SHISAL1: variants seen among roughly 807,000 people sequenced by gnomAD.
SHISAL1 encodes the protein protein shisa-like-1.
Under a neutral mutation model 22.6 loss-of-function variants are expected in SHISAL1, and 9 were observed. The ratio of observed to expected loss-of-function variants is 0.40; its 90% CI spans 0.24 to 0.70. The LOEUF (loss-of-function observed/expected upper bound fraction) is 0.70. SHISAL1 is among the 30% of genes least tolerant of loss of function. SHISAL1 has a pLI of 0.39. For missense variants in SHISAL1, 246 were observed against 270.6 expected, an observed-to-expected ratio of 0.91 and a Z score of 0.64; for synonymous variants, 119 against 115.4, an observed-to-expected ratio of 1.03 and a Z score of -0.20.
chr22:44,289,867 G>A (rs1005632882), intron 3 of SHISAL1, among the ~76,000 whole-genome samples: 1 of 152,236 alleles, frequency 6.6e-6, no homozygotes, highest in African/African-American at 2.4e-5. Context: ...TTTTGTAAAT[G>A]GCAGAAGATA....
At chr22:44,307,450 T>G (rs1461307232) in intron 1 of SHISAL1, among the ~76,000 whole-genome samples, 1 of 152,202 alleles carries the variant, frequency 6.6e-6, no homozygotes, top group African/African-American at 2.4e-5. Flanking sequence ...AAAAAGCTTC[T>G]GAGGCCTCCT....
the SHISAL1 span, among the ~76,000 whole-genome samples, chr22:44,323,640 C>T: frequency 1.3e-5 from 2 of 148,264 alleles, no homozygotes; most frequent in African/African-American, 5.0e-5. Context: ...ATCCATCCAC[C>T]CACTCACCAT....
chr22:44,290,116 C>G (rs113771071), intron 3 of SHISAL1, among the ~76,000 whole-genome samples: 5 of 152,234 alleles, frequency 3.3e-5, no homozygotes, highest in African/African-American at 7.2e-5. Flanking sequence ...ATCACCACCC[C>G]ACCAGGCAGT....
rs781357436 is a variant in SHISAL1 at position 44,262,301 on chromosome 22, G to A, written c.*-12616C>T. Among the ~76,000 whole-genome samples the A allele has an allele frequency of 2.7e-4, 41 of 152,042 alleles. No homozygotes were observed. In the Middle Eastern group the frequency reaches 0.01, roughly 38 times the overall value. The stretch of plus-strand genomic sequence containing the variant: ...GCTGTCATGGCACAAGATGCTCCTG[G>A]CAGGGGTGAGTCTGCAGAGGCGGCA... On this transcript the variant is annotated intron_variant, in intron 4 of 4. Transcript: ENST00000381176.
intron 3 of SHISAL1, among the ~76,000 whole-genome samples, chr22:44,290,322 G>C (rs1227679097): frequency 3.3e-5 from 5 of 152,168 alleles, no homozygotes; most frequent in Non-Finnish European, 5.9e-5. Context: ...CTGAGGTCAG[G>C]AGTTTGAGAC....
At chr22:44,300,681 G>C (rs902643493) in intron 2 of SHISAL1, among the ~76,000 whole-genome samples, 198 bp downstream of exon 2, 1 of 151,988 alleles carries the variant, frequency 6.6e-6, no homozygotes, top group Non-Finnish European at 1.5e-5. Context: ...TAGAGATAGA[G>C]ACAGAGAGAC....
At chr22:44,285,387 A>T in intron 4 of SHISAL1, 41 bp downstream of exon 4, 3 of 1,594,868 alleles carry the variant, frequency 1.9e-6, no homozygotes, top group Middle Eastern at 3.3e-4. Flanking sequence ...CTCCAAAGAC[A>T]ATGACCCAAA....
intron 3 of SHISAL1, among the ~76,000 whole-genome samples, chr22:44,287,019 G>A (rs1291968373): frequency 6.6e-6 from 1 of 152,206 alleles, no homozygotes; most frequent in African/African-American, 2.4e-5. Context: ...CCTCGCTCTC[G>A]CCCAGACGGA....
At chr22:44,284,988 C>T (rs1184138303) in intron 4 of SHISAL1, among the ~76,000 whole-genome samples, 1 of 151,656 alleles carries the variant, frequency 6.6e-6, no homozygotes, top group Admixed American at 6.6e-5. Flanking sequence ...CCATACAAGG[C>T]ATGTACACAT....
At chr22:44,297,116 C>T (rs1401508728) in intron 2 of SHISAL1, among the ~76,000 whole-genome samples, 1 of 152,218 alleles carries the variant, frequency 6.6e-6, no homozygotes, top group Admixed American at 6.5e-5. Flanking sequence ...GCAGGGCTGG[C>T]TCTCCTGCTT....
rs367849559 is a variant in SHISAL1, at chr22:44,298,426, G to A, written c.68-1541C>T. Among the ~76,000 whole-genome samples the A allele has an allele frequency of 4.9e-4, 75 of 152,358 alleles. 1 individual carries two copies. Among genetic ancestry groups the A allele is most frequent in the African/African-American group, 1.7e-3 (69 of 41,586 alleles). ...CAGAAGCTCCGGGGTAGGCCCCGCC[G>A]TCTGTCCTGGCAAGCCCTCCAGGGG... On this transcript the variant is annotated intron_variant, in intron 2 of 4. Transcript: ENST00000381176.
At position 44,284,893 on chromosome 22, in the gene SHISAL1, T is replaced by TCCTGCCTGCCTG. The variant is rs376263550; in HGVS notation, c.599+534_599+535insCAGGCAGGCAGG. The stretch of plus-strand genomic sequence containing the variant: ...CCCTTGAGATGCCACCTCTCTGCCT[T>TCCTGCCTGCCTG]CCTGCCTTCCTTCCTTCCTTCCTTC... On this transcript the variant is annotated intron_variant, in intron 4 of 4. Coordinates refer to ENST00000381176, the MANE Select transcript of SHISAL1 (RefSeq NM_001099294.2). Among the ~76,000 whole-genome samples, 562 of 144,120 alleles carry TCCTGCCTGCCTG rather than the reference T, an allele frequency of 3.9e-3. 12 individuals carry two copies. The highest frequency in any genetic ancestry group is 0.011 in the South Asian group (47 of 4,334). The allele number at this position is 144,120 out of a possible 152,430, so 94.5% of individuals were successfully genotyped here. A position where few individuals can be genotyped will look rare whatever the true frequency, so the allele number is the denominator to read the frequency against.
chr22:44,292,922 GGT>G (rs2055362365), intron 3 of SHISAL1, among the ~76,000 whole-genome samples: 1 of 152,218 alleles, frequency 6.6e-6, no homozygotes, highest in East Asian at 1.9e-4. Context: ...GGTCCTCTGG[GGT>G]CTTATCCCAT....
At chr22:44,300,136 G>C (rs1049678798) in intron 2 of SHISAL1, among the ~76,000 whole-genome samples, 10 of 151,516 alleles carry the variant, frequency 6.6e-5, no homozygotes, top group African/African-American at 2.4e-4. Context: ...GAGAGACAGA[G>C]AGACAGAAAC....
chr22:44,287,882 T>G (rs1375860924), intron 3 of SHISAL1, among the ~76,000 whole-genome samples: 1 of 152,014 alleles, frequency 6.6e-6, no homozygotes, highest in African/African-American at 2.4e-5. Flanking sequence ...TTGCTCTAAG[T>G]GCCAGGTTTT....
In SHISAL1 at chr22:44,247,787, G is replaced by A. The variant is rs1017634369; in HGVS notation, c.*1898C>T. ...TGCTTTTCCAAAGGCAGGACATTGTGTTTGCACAGCTTGACTCACAGCAGA... is the reference window on the plus strand; with the variant it reads ...TGCTTTTCCAAAGGCAGGACATTGTATTTGCACAGCTTGACTCACAGCAGA... On this transcript the variant is annotated 3_prime_UTR_variant, in exon 5 of 5. Transcript: ENST00000381176. The A allele has an allele frequency of 6.6e-6, 1 of 152,266 alleles. No homozygotes were observed. Among genetic ancestry groups the A allele is most frequent in the African/African-American group, 2.4e-5 (1 of 41,440 alleles). The allele number at this position is 152,266 out of a possible 1,614,324, so 9.4% of individuals were successfully genotyped here. A position where few individuals can be genotyped will look rare whatever the true frequency, so the allele number is the denominator to read the frequency against.
At chr22:44,319,517 A>C in the SHISAL1 span, among the ~76,000 whole-genome samples, 2 of 152,240 alleles carry the variant, frequency 1.3e-5, no homozygotes, top group Admixed American at 1.3e-4. Flanking sequence ...GGTGAAAAAC[A>C]CAAGAGACCA....
chr22:44,290,176 G>A (rs557309173), intron 3 of SHISAL1, among the ~76,000 whole-genome samples: 3 of 152,324 alleles, frequency 2.0e-5, no homozygotes, highest in South Asian at 2.1e-4. Context: ...AGGCCAGAAC[G>A]AAACATCAGC....
chr22:44,311,805 A>G (rs2147312608), intron 1 of SHISAL1, among the ~76,000 whole-genome samples: 1 of 152,346 alleles, frequency 6.6e-6, no homozygotes, highest in South Asian at 2.1e-4. Flanking sequence ...TATTAAAGGG[A>G]GAGCTTGGCC....
Sources: allele counts gnomAD v4.1 joint callset (sites outside exome capture counted in the v4.1 genomes callset), GRCh38; gene constraint gnomAD v4.1.1; transcripts MANE v1.5; gene names NCBI Gene and HGNC (gene_info 2026-07-23, HGNC 2026-07-21).